Variants in SMYD3 observed in about 807,000 individuals in gnomAD.
The protein encoded by SMYD3 is SET and MYND domain containing 3, also known as histone-lysine N-methyltransferase SMYD3.
Under a neutral mutation model 57.7 loss-of-function variants are expected in SMYD3, and 36 were observed. That is an observed-to-expected ratio of 0.62 (90% CI 0.48 to 0.82). SMYD3 has a LOEUF of 0.82. Ranked by LOEUF, SMYD3 falls within the 40% of genes least tolerant of loss-of-function variation. The probability of loss-of-function intolerance (pLI) is 0.00; values close to 1 mark genes in which losing one functional copy is unlikely to be tolerated. For missense variants in SMYD3, 515 were observed against 538.8 expected, an observed-to-expected ratio of 0.96 and a Z score of 0.44; for synonymous variants, 211 against 195.0, an observed-to-expected ratio of 1.08 and a Z score of -0.68.
intron 5 of SMYD3, among the ~76,000 whole-genome samples, chr1:246,052,389 C>G (rs1324372595): frequency 3.3e-5 from 5 of 152,042 alleles, no homozygotes; most frequent in African/African-American, 1.2e-4. Context: ...ACAAGATGTA[C>G]TTTATGCTTG....
rs575345630 is a variant in SMYD3 at position 246,212,494 on chromosome 1, A to C, written c.531+114707T>G. 2.6e-5 allele frequency among the ~76,000 whole-genome samples: 4 copies of C among 152,244 alleles called. No homozygotes were observed. In the East Asian group the frequency reaches 7.7e-4, roughly 29 times the overall value. On this transcript the variant is annotated intron_variant, in intron 5 of 11. Coordinates refer to ENST00000490107, the MANE Select transcript of SMYD3 (RefSeq NM_001167740.2). ...AATAGTGGAACAAATGAAAATGCTA[A>C]TGATTTTTGGTGATTTTTATTTTCC... is the stretch of plus-strand genomic sequence containing the variant.
At chr1:245,823,480 C>T (rs575905377) in intron 10 of SMYD3, among the ~76,000 whole-genome samples, 6 of 152,338 alleles carry the variant, frequency 3.9e-5, no homozygotes, top group South Asian at 2.1e-4. Flanking sequence ...GTCAGCGCCG[C>T]GCACTACTGC....
chr1:246,252,566 T>C (rs2489738), intron 5 of SMYD3, among the ~76,000 whole-genome samples: 40,536 of 152,036 alleles, frequency 0.27, 6,087 homozygotes, highest in East Asian at 0.58. Context: ...AAAATCCATG[T>C]ATTTATTAAA....
rs1408663144 is a variant in SMYD3 at position 246,507,128 on chromosome 1, G to A, written c.90C>T (p.Leu30=). 4.6e-6 allele frequency: 7 copies of A among 1,534,694 alleles called. No individual in the cohort carries two copies. The Admixed American group carries it at 8.1e-5, about 18-fold the overall frequency. ...AVTPLRPGEL[L]FRSDPLAYTV... Reference sequence around the variant, plus strand: ...TGTACGCCAAGGGATCCGAGCGGAAGAGTAGCTCTCCGGGGCGCAGCGGGG... The same window carrying A: ...TGTACGCCAAGGGATCCGAGCGGAAAAGTAGCTCTCCGGGGCGCAGCGGGG... Residue 30 remains leucine, a synonymous_variant, in exon 1 of 12, where the codon CTC becomes CTT. Coordinates refer to ENST00000490107, the MANE Select transcript of SMYD3 (RefSeq NM_001167740.2).
chr1:246,339,132 T>C (rs1352583623), intron 2 of SMYD3, among the ~76,000 whole-genome samples: 1 of 152,220 alleles, frequency 6.6e-6, no homozygotes, highest in Non-Finnish European at 1.5e-5. Flanking sequence ...AGGAAGACTG[T>C]ATTTTAAGAA....
chr1:246,263,431 TA>T (rs2064048252), intron 5 of SMYD3, among the ~76,000 whole-genome samples: 1 of 152,118 alleles, frequency 6.6e-6, no homozygotes, highest in African/African-American at 2.4e-5. Context: ...GGCTGGGAAA[TA>T]AATTTTCTGG....
intron 1 of SMYD3, among the ~76,000 whole-genome samples, chr1:246,391,010 C>G (rs1398063176): frequency 6.6e-6 from 1 of 151,998 alleles, no homozygotes; most frequent in African/African-American, 2.4e-5. Flanking sequence ...AGACATAAAT[C>G]CAACCATATC....
At position 246,395,782 on chromosome 1, in the gene SMYD3, G is replaced by A. The variant is rs151036099; in HGVS notation, c.165-40688C>T. 6.9e-3 allele frequency among the ~76,000 whole-genome samples: 962 copies of A among 140,312 alleles called. 8 individuals carry two copies. Among genetic ancestry groups the A allele is most frequent in the African/African-American group, 0.026 (885 of 33,942 alleles). The allele number at this position is 140,312 out of a possible 152,430, so 92.1% of individuals were successfully genotyped here. ...CAGACAGGGAAGAGGAACCCACCATGGTCAGACAGGGAAGAGGAACCCACC... is the reference window on the plus strand; with the variant it reads ...CAGACAGGGAAGAGGAACCCACCATAGTCAGACAGGGAAGAGGAACCCACC... On this transcript the variant is annotated intron_variant, in intron 1 of 11. Transcript: ENST00000490107.
At chr1:246,472,465 G>C (rs2067973950) in intron 1 of SMYD3, among the ~76,000 whole-genome samples, 1 of 152,152 alleles carries the variant, frequency 6.6e-6, no homozygotes, top group Non-Finnish European at 1.5e-5. Flanking sequence ...CAAATAGGCT[G>C]GGCATAGTGG....
chr1:246,502,064 C>T (rs551191959), intron 1 of SMYD3, among the ~76,000 whole-genome samples: 5 of 152,130 alleles, frequency 3.3e-5, no homozygotes, highest in African/African-American at 1.2e-4. Context: ...CATCATCTCA[C>T]CAAACACAGT....
chr1:246,442,774 A>G (rs925991896), intron 1 of SMYD3, among the ~76,000 whole-genome samples: 1 of 152,174 alleles, frequency 6.6e-6, no homozygotes, highest in African/African-American at 2.4e-5. Context: ...TAACGCAAAC[A>G]CTGGTACTGC....
At chr1:246,430,666 T>TATAA (rs2067284094) in intron 1 of SMYD3, among the ~76,000 whole-genome samples, 1 of 152,146 alleles carries the variant, frequency 6.6e-6, no homozygotes, top group Non-Finnish European at 1.5e-5. Flanking sequence ...GCCACCCAGA[T>TATAA]ATAAGTATGG....
chr1:245,826,409 CT>C (rs2049494547), intron 10 of SMYD3, among the ~76,000 whole-genome samples: 3 of 152,118 alleles, frequency 2.0e-5, no homozygotes, highest in Admixed American at 2.0e-4. Context: ...GAGAAGGGGT[CT>C]CACTATGTTG....
chr1:246,274,708 T>C (rs2064295963), intron 5 of SMYD3, among the ~76,000 whole-genome samples: 1 of 152,076 alleles, frequency 6.6e-6, no homozygotes, highest in African/African-American at 2.4e-5. Context: ...CGAAGGTCAA[T>C]CAAATCCCAT....
intron 5 of SMYD3, among the ~76,000 whole-genome samples, chr1:246,256,620 C>T (rs1172341827): frequency 6.6e-6 from 1 of 152,094 alleles, no homozygotes; most frequent in African/African-American, 2.4e-5. Flanking sequence ...TTTCAAATAA[C>T]CAATTTTTAG....
intron 5 of SMYD3, among the ~76,000 whole-genome samples, chr1:245,994,420 C>T (rs10802311): frequency 0.5 from 75,730 of 151,862 alleles, 22,710 homozygotes; most frequent in Middle Eastern, 0.69. Flanking sequence ...AGGCCCTGGC[C>T]ATCGGGTTAC....
rs375822036 is a variant in SMYD3, at chr1:245,749,680, G to A, written c.1186-16C>T. ...TATCAAAAGCCTAAAGAGAAAGGAC[G>A]GAAGAGAGATTAGACCCCAAAATAG... On this transcript the variant is annotated splice_polypyrimidine_tract_variant and intron_variant, in intron 11 of 11. Transcript: ENST00000490107. 8.9e-5 allele frequency: 143 copies of A among 1,606,036 alleles called. No individual in the cohort carries two copies. The highest frequency in any genetic ancestry group is 9.8e-5 in the Non-Finnish European group (115 of 1,173,078).
At chr1:246,006,783 C>T (rs935121838) in intron 5 of SMYD3, among the ~76,000 whole-genome samples, 1 of 152,068 alleles carries the variant, frequency 6.6e-6, no homozygotes, top group Non-Finnish European at 1.5e-5. Flanking sequence ...GACCCCACAG[C>T]TATATTAACT....
intron 1 of SMYD3, among the ~76,000 whole-genome samples, chr1:246,444,973 T>C (rs1038419309): frequency 1.3e-5 from 2 of 152,222 alleles, no homozygotes; most frequent in African/African-American, 4.8e-5. Context: ...TTACTAGCCA[T>C]GTGACTTTAA....
Sources: gnomAD v4.1 joint callset for allele counts (sites outside exome capture counted in the v4.1 genomes callset) on GRCh38, gnomAD v4.1.1 for gene constraint, MANE v1.5 for transcripts, NCBI Gene and HGNC (gene_info 2026-07-23, HGNC 2026-07-21) for gene names.